APC: variants seen among roughly 807,000 people sequenced by gnomAD.
The protein encoded by APC is APC regulator of Wnt signaling pathway.
Under a neutral mutation model 247.0 loss-of-function variants are expected in APC, and 72 were observed. The observed-to-expected ratio is 0.29, with a 90% CI of 0.24 to 0.35. The LOEUF (loss-of-function observed/expected upper bound fraction) is 0.35, where lower values mean the gene tolerates loss of function less well. Ranked by LOEUF, APC falls within the 10% of genes least tolerant of loss-of-function variation. APC has a pLI of 1.00. For synonymous variants in APC, 1,254 were observed against 1,162.5 expected, an observed-to-expected ratio of 1.08 and a Z score of -1.60; for missense variants, 3,400 against 3,360.7, an observed-to-expected ratio of 1.01 and a Z score of -0.29.
rs535180250 is a variant in APC at position 112,814,835 on chromosome 5, C to T, written c.835-660C>T. On this transcript the variant is annotated intron_variant, in intron 8 of 15. Transcript: ENST00000257430. The stretch of plus-strand genomic sequence containing the variant: ...GTCCACATTACATTGGAACACTCCA[C>T]GCTCTCCGTATTTGTACCTTTGCAC... Among the ~76,000 whole-genome samples, 214 of 152,332 alleles carry T rather than the reference C, an allele frequency of 1.4e-3. 3 individuals carry two copies. The highest frequency in any genetic ancestry group is 5.0e-3 in the African/African-American group (207 of 41,576).
chr5:112,834,310 C>A (rs551045837), intron 14 of APC, among the ~76,000 whole-genome samples: 1 of 146,528 alleles, frequency 6.8e-6, no homozygotes. Flanking sequence ...GTTGCAGTCT[C>A]GGCTCACTGC....
chr5:112,815,394 T>C, intron 8 of APC, 101 bp from the exon 9 acceptor site: 1 of 813,386 alleles, frequency 1.2e-6, no homozygotes. Flanking sequence ...TGTATTTAAT[T>C]GTTTATCATA....
chr5:112,781,353 A>T (rs1004476281), intron 6 of APC, among the ~76,000 whole-genome samples: 5 of 152,250 alleles, frequency 3.3e-5, no homozygotes, highest in African/African-American at 1.2e-4. Context: ...TATGGAGAAC[A>T]TTCCCATATT....
rs2546116 is a variant in APC at position 112,759,635 on chromosome 5, G to A, written c.135+4610G>A. ...CCTCCAAAGTGCTGGGATTACAGGCGTGAGCCACCGTGCCCAGCCTAATGA... is the reference window on the plus strand; with the variant it reads ...CCTCCAAAGTGCTGGGATTACAGGCATGAGCCACCGTGCCCAGCCTAATGA... On this transcript the variant is annotated intron_variant, in intron 2 of 15. Coordinates refer to ENST00000257430, the MANE Select transcript of APC (RefSeq NM_000038.6). Among the ~76,000 whole-genome samples the A allele has an allele frequency of 0.27, 40,921 of 151,934 alleles. 6,706 individuals are homozygous for A. The highest frequency in any genetic ancestry group is 0.36 in the Non-Finnish European group (24,464 of 67,952).
At chr5:112,764,666 G>A (rs1389065300) in intron 2 of APC, among the ~76,000 whole-genome samples, 1 of 152,182 alleles carries the variant, frequency 6.6e-6, no homozygotes, top group Non-Finnish European at 1.5e-5. Flanking sequence ...GTTAGGATTC[G>A]AGACATGTCA....
In APC at chr5:112,841,470, C is replaced by G. The variant is rs1060503320; in HGVS notation, c.5876C>G (p.Thr1959Ser). ...EKLQNFAIEN[T>S]PVCFSHNSSL... is the part of the protein sequence containing the mutation. ...TTACAGAATTTTGCTATTGAAAATA[C>G]TCCGGTTTGCTTTTCTCATAATTCC... Residue 1959 changes from threonine to serine, a missense_variant, in exon 16 of 16, where the codon ACT (threonine) becomes AGT (serine). Coordinates refer to ENST00000257430, the MANE Select transcript of APC (RefSeq NM_000038.6). This position sits in a 1 kb window ranked among gnomAD's most constrained non-coding sequence, Gnocchi z 4.6. 2 of 1,613,584 alleles carry G rather than the reference C, an allele frequency of 1.2e-6. No homozygotes were observed. Among genetic ancestry groups the G allele is most frequent in the African/African-American group, 2.7e-5 (2 of 74,904 alleles).
At chr5:112,827,000 T>A (rs1763727918) in intron 11 of APC, 108 bp from the exon 12 acceptor site, 3 of 1,069,128 alleles carry the variant, frequency 2.8e-6, no homozygotes, top group Non-Finnish European at 4.2e-6. Context: ...TTAAACCATA[T>A]ATTCTCATTG....
intron 15 of APC, 86 bp downstream of exon 15, chr5:112,835,251 A>G: frequency 8.0e-7 from 1 of 1,257,462 alleles, no homozygotes; most frequent in Non-Finnish European, 1.1e-6. Flanking sequence ...TTATATAATC[A>G]TGAAAGTTTT....
chr5:112,763,360 AG>A (rs763343418), intron 2 of APC, among the ~76,000 whole-genome samples: 21 of 82,804 alleles, frequency 2.5e-4, no homozygotes, highest in Non-Finnish European at 4.9e-4. Flanking sequence ...CATATTTTGC[AG>A]GTTTTTTTTT....
chr5:112,779,232 C>T (rs1387899334), intron 5 of APC, among the ~76,000 whole-genome samples: 1 of 152,146 alleles, frequency 6.6e-6, no homozygotes, highest in Non-Finnish European at 1.5e-5. Flanking sequence ...GGGACTATAA[C>T]TTATGAAGAA....
At chr5:112,716,767 A>G (rs1751194374) in intron 1 of APC, among the ~76,000 whole-genome samples, 1 of 152,244 alleles carries the variant, frequency 6.6e-6, no homozygotes, top group African/African-American at 2.4e-5. Context: ...CAGTGACTCA[A>G]CATTATCAAG....
At chr5:112,785,331 G>C (rs1323015700) in intron 6 of APC, among the ~76,000 whole-genome samples, 1 of 152,050 alleles carries the variant, frequency 6.6e-6, no homozygotes, top group Non-Finnish European at 1.5e-5. Flanking sequence ...AATTTAGTAA[G>C]GTAACTCAAG....
upstream of APC, among the ~76,000 whole-genome samples, chr5:112,737,263 G>A (rs1422055559): frequency 2.6e-5 from 4 of 152,114 alleles, no homozygotes; most frequent in African/African-American, 7.2e-5. Context: ...ACACTGAGAG[G>A]TTAAGTAACT....
rs786203234 is a variant in APC at position 112,842,990 on chromosome 5, T to C, written c.7396T>C (p.Ser2466Pro). The change falls in exon 16 of 16, where the codon TCT (serine) becomes CCT (proline). Residue 2466 changes from serine to proline, a missense_variant. Ser to Pro is a moderately conservative substitution (Grantham distance 74). Coordinates refer to ENST00000257430, the MANE Select transcript of APC (RefSeq NM_000038.6). ...GGAATCTGCTTCATTTGAATCTCTT[T>C]CTCCATCATCTAGACCAGCTTCTCC... ...LEESASFESL[S>P]PSSRPASPTR... 2 of 1,613,952 alleles carry C rather than the reference T, an allele frequency of 1.2e-6. No individual in the cohort carries two copies. Among genetic ancestry groups the C allele is most frequent in the African/African-American group, 1.3e-5 (1 of 74,908 alleles).
chr5:112,845,493 TG>T lies in APC; in HGVS notation c.*1368del. 1 of 233,350 alleles carries T rather than the reference TG, an allele frequency of 4.3e-6. No individual in the cohort carries two copies. The highest frequency in any genetic ancestry group is 8.5e-6 in the Non-Finnish European group (1 of 117,802). 14.5% of individuals were successfully genotyped at this position (233,350 alleles called of 1,614,324 possible). On this transcript the variant is annotated 3_prime_UTR_variant, in exon 16 of 16. Coordinates refer to ENST00000257430, the MANE Select transcript of APC (RefSeq NM_000038.6). ...CATGAACACTTTTTATCACCCTGTA[TG>T]TTAGGGCAAGATCTCAGCAGTGAAG...
chr5:112,827,951 G>A lies in APC; in HGVS notation c.1571G>A (p.Gly524Asp), dbSNP rs587782868. The A allele has an allele frequency of 1.2e-5, 20 of 1,613,134 alleles. No homozygotes were observed. Among genetic ancestry groups the A allele is most frequent in the Admixed American group, 1.7e-5 (1 of 59,984 alleles). ...CAGGCTACGCTATGCTCTATGAAAG[G>A]CTGCATGAGAGCACTTGTGGCCCAA... ...ANKATLCSMKGCMRALVAQLK... is the reference protein window; with the variant it reads ...ANKATLCSMKDCMRALVAQLK... Residue 524 changes from glycine to aspartate, a missense_variant, in exon 13 of 16, where the codon GGC (glycine) becomes GAC (aspartate). This residue lies in a region of APC where 184 missense variants were observed against 248.0 expected (regional missense o/e 0.74). Coordinates refer to ENST00000257430, the MANE Select transcript of APC (RefSeq NM_000038.6).
Position 112,846,131 on chromosome 5 carries a change from T to A in APC, c.*2005T>A, listed in dbSNP as rs559244186. On this transcript the variant is annotated 3_prime_UTR_variant, in exon 16 of 16. Transcript: ENST00000257430. ...TGTAAACACTTCAATTTACTATCTTTGAAATGATTGACCTTTAAATTTTTG... is the reference window on the plus strand; with the variant it reads ...TGTAAACACTTCAATTTACTATCTTAGAAATGATTGACCTTTAAATTTTTG... The A allele has an allele frequency of 4.3e-6, 1 of 232,446 alleles. No individual in the cohort carries two copies. The highest frequency in any genetic ancestry group is 8.5e-6 in the Non-Finnish European group (1 of 117,540). The allele number at this position is 232,446 out of a possible 1,614,324, so 14.4% of individuals were successfully genotyped here.
intron 1 of APC, among the ~76,000 whole-genome samples, chr5:112,732,449 A>G (rs1463341855): frequency 1.3e-5 from 2 of 152,178 alleles, no homozygotes; most frequent in Non-Finnish European, 2.9e-5. Context: ...TTGTTTTTCC[A>G]TATACAGGGG....
chr5:112,824,527 A>C (rs991679325), intron 11 of APC, among the ~76,000 whole-genome samples: 8 of 152,110 alleles, frequency 5.3e-5, no homozygotes, highest in African/African-American at 1.9e-4. Context: ...CTTTATTTTC[A>C]GTATCAAATC....
Sources: allele counts gnomAD v4.1 joint callset (sites outside exome capture counted in the v4.1 genomes callset), GRCh38; gene constraint gnomAD v4.1.1; regional missense constraint gnomAD v4.1.1; non-coding constraint Gnocchi (gnomAD v3.1); transcripts MANE v1.5; gene names NCBI Gene and HGNC (gene_info 2026-07-23, HGNC 2026-07-21).